Variants in ANXA11 observed in about 807,000 individuals in gnomAD.
ANXA11 encodes the protein 56 kDa autoantigen.
Under a neutral mutation model 64.7 loss-of-function variants are expected in ANXA11, and 57 were observed. The observed-to-expected ratio is 0.88, with a 90% CI of 0.71 to 1.10. ANXA11 has a LOEUF of 1.10. Ranked by LOEUF, ANXA11 falls within the 50% of genes least tolerant of loss-of-function variation. The pLI is 0.00. For missense variants in ANXA11, 675 were observed against 670.7 expected (o/e 1.01, Z -0.07); for synonymous variants, 260 against 265.2 (o/e 0.98, Z 0.19).
chr10:80,175,317 G>A (rs1368675705), intron 2 of ANXA11, among the ~76,000 whole-genome samples: 1 of 152,096 alleles, frequency 6.6e-6, no homozygotes, highest in Non-Finnish European at 1.5e-5. Flanking sequence ...GGAAGAGCCG[G>A]GATGGTGTCT....
At chr10:80,193,215 T>C (rs1435588907) in intron 1 of ANXA11, among the ~76,000 whole-genome samples, 1 of 152,222 alleles carries the variant, frequency 6.6e-6, no homozygotes, top group Non-Finnish European at 1.5e-5. Context: ...ATACAATTTA[T>C]GGTCACAATA....
At chr10:80,156,541 TCTCA>T (rs1845285078) in intron 15 of ANXA11, 2 of 460,338 alleles carry the variant, frequency 4.3e-6, no homozygotes, top group Non-Finnish European at 8.9e-6. Flanking sequence ...TGAGACGAAG[TCTCA>T]CTCTGTCACC....
chr10:80,156,025 G>T, intron 15 of ANXA11, 113 bp from the exon 16 acceptor site: 1 of 1,146,350 alleles, frequency 8.7e-7, no homozygotes, highest in Non-Finnish European at 1.3e-6. Context: ...CCCACCCTGG[G>T]GAATTTTCTC....
At chr10:80,204,347 G>A (rs1472161036) in intron 1 of ANXA11, among the ~76,000 whole-genome samples, 1 of 152,262 alleles carries the variant, frequency 6.6e-6, no homozygotes, top group Non-Finnish European at 1.5e-5. Flanking sequence ...TAAAAGGAAT[G>A]AGGAAAGCAA....
chr10:80,166,166 G>A lies in ANXA11; in HGVS notation c.776C>T (p.Ser259Leu). Residue 259 changes from serine to leucine, a missense_variant, in exon 8 of 16, where the codon TCA becomes TTA. Physicochemically the swap from Ser to Leu is moderately radical, Grantham distance 145. Coordinates refer to ENST00000422982, the MANE Select transcript of ANXA11 (RefSeq NM_145868.2). ...CAAGATTGTCTTCTCAAAGTTTCCT[G>A]ACAGTTCAGATTTCAGATCTTTGAT... ...DLIKDLKSEL[S>L]GNFEKTILAL... The A allele has an allele frequency of 3.1e-6, 5 of 1,611,818 alleles. No homozygotes were observed. The highest frequency in any genetic ancestry group is 4.2e-6 in the Non-Finnish European group (5 of 1,178,560).
chr10:80,186,968 G>A (rs889636143), intron 1 of ANXA11, among the ~76,000 whole-genome samples: 4 of 152,242 alleles, frequency 2.6e-5, no homozygotes, highest in Non-Finnish European at 5.9e-5. Context: ...AATTTCTGAG[G>A]AGTGGAAAGT....
At position 80,205,489 on chromosome 10, in the gene ANXA11, A is replaced by C. The variant is rs937329168; in HGVS notation, c.-204T>G. ...GCGGGGCCCGCGGGGCACTCGGGGC[A>C]CTGGGGAGCCGCGGGCGCAGCAGCC... On this transcript the variant is annotated 5_prime_UTR_variant, in exon 1 of 16. Transcript: ENST00000422982. The C allele has an allele frequency of 6.6e-6, 1 of 151,840 alleles. No homozygotes were observed. The highest frequency in any genetic ancestry group is 1.5e-5 in the Non-Finnish European group (1 of 67,924). The allele number at this position is 151,840 out of a possible 1,614,324, so 9.4% of individuals were successfully genotyped here.
At chr10:80,185,408 G>A (rs1846503265) in intron 1 of ANXA11, among the ~76,000 whole-genome samples, 1 of 152,210 alleles carries the variant, frequency 6.6e-6, no homozygotes, top group Non-Finnish European at 1.5e-5. Flanking sequence ...AGGCAGACAA[G>A]AGCAAGAGAT....
chr10:80,197,616 G>C (rs532489786), intron 1 of ANXA11, among the ~76,000 whole-genome samples: 1 of 152,036 alleles, frequency 6.6e-6, no homozygotes, highest in Non-Finnish European at 1.5e-5. Context: ...AAGTTGGGAG[G>C]AGGTAGCACA....
intron 1 of ANXA11, among the ~76,000 whole-genome samples, chr10:80,177,781 C>G (rs1846222877): frequency 6.6e-6 from 1 of 152,140 alleles, no homozygotes; most frequent in Admixed American, 6.5e-5. Context: ...CTGAAGAGAG[C>G]CTGTTTATCT....
chr10:80,172,504 G>A (rs1846017006), intron 3 of ANXA11, among the ~76,000 whole-genome samples: 1 of 152,168 alleles, frequency 6.6e-6, no homozygotes, highest in Non-Finnish European at 1.5e-5. Context: ...AGAAAACTGA[G>A]TCTCAAAGTG....
intron 1 of ANXA11, among the ~76,000 whole-genome samples, chr10:80,178,051 C>G (rs187595915): frequency 2.0e-5 from 3 of 152,130 alleles, no homozygotes; most frequent in Non-Finnish European, 4.4e-5. Flanking sequence ...AAGAGGCTAC[C>G]GCAAGGGGCT....
At chr10:80,183,801 G>A (rs1390697657) in intron 1 of ANXA11, among the ~76,000 whole-genome samples, 2 of 152,200 alleles carry the variant, frequency 1.3e-5, no homozygotes, top group African/African-American at 4.8e-5. Flanking sequence ...CTCACAGCCA[G>A]AAGGTTCCAG....
chr10:80,171,159 A>T, intron 3 of ANXA11: 1 of 1,403,092 alleles, frequency 7.1e-7, no homozygotes, highest in Non-Finnish European at 9.3e-7. Flanking sequence ...CACTCCCAAG[A>T]CCCTCTGTGG....
At chr10:80,157,882 C>G in intron 14 of ANXA11, 85 bp downstream of exon 14, 1 of 1,593,626 alleles carries the variant, frequency 6.3e-7, no homozygotes, top group Non-Finnish European at 8.6e-7. Flanking sequence ...ATTTAGCTCT[C>G]CCCAGGCCTT....
At chr10:80,168,000 G>A (rs890703526) in intron 5 of ANXA11, among the ~76,000 whole-genome samples, 14 of 152,274 alleles carry the variant, frequency 9.2e-5, no homozygotes, top group African/African-American at 2.9e-4. Context: ...GAGGCTGGAG[G>A]ATGGCACAGG....
intron 1 of ANXA11, among the ~76,000 whole-genome samples, chr10:80,177,642 C>T (rs970778239): frequency 4.6e-5 from 7 of 152,144 alleles, no homozygotes; most frequent in Non-Finnish European, 1.0e-4. Flanking sequence ...CTCAGAACTC[C>T]CCAGTTCAAC....
chr10:80,178,373 A>C (rs1012110574), intron 1 of ANXA11, among the ~76,000 whole-genome samples: 1 of 152,190 alleles, frequency 6.6e-6, no homozygotes, highest in Non-Finnish European at 1.5e-5. Flanking sequence ...CCTGCTTCTA[A>C]TCACGGCCCT....
intron 3 of ANXA11, chr10:80,171,892 CTCAT>C (rs1845990911): frequency 2.0e-6 from 2 of 985,408 alleles, no homozygotes; most frequent in Non-Finnish European, 2.4e-6. Context: ...CTGGGGTGGG[CTCAT>C]TCAGAGGGCA....
Sources: allele counts gnomAD v4.1 joint callset (sites outside exome capture counted in the v4.1 genomes callset), GRCh38; gene constraint gnomAD v4.1.1; transcripts MANE v1.5; gene names NCBI Gene and HGNC (gene_info 2026-07-23, HGNC 2026-07-21).